PHF21A: variants seen among roughly 807,000 people sequenced by gnomAD.
PHF21A encodes BHC80a.
PHF21A carries 11 observed loss-of-function variants against 82.5 expected under a neutral mutation model. The ratio of observed to expected loss-of-function variants is 0.13; its 90% CI spans 0.08 to 0.22. The LOEUF (loss-of-function observed/expected upper bound fraction) is 0.22. Ranked by LOEUF, PHF21A falls within the 10% of genes least tolerant of loss-of-function variation. The probability of loss-of-function intolerance (pLI) is 1.00; values close to 1 mark genes in which losing one functional copy is unlikely to be tolerated. For synonymous variants in PHF21A, 297 were observed against 302.8 expected (o/e 0.98, Z 0.20); for missense variants, 579 against 837.8 (o/e 0.69, Z 3.81).
intron 6 of PHF21A, among the ~76,000 whole-genome samples, chr11:46,068,088 G>A (rs2096615350): frequency 6.6e-6 from 1 of 152,166 alleles, no homozygotes; most frequent in African/African-American, 2.4e-5. Flanking sequence ...GAGTAAAGGT[G>A]ACAGCAGAGA....
intron 6 of PHF21A, among the ~76,000 whole-genome samples, chr11:46,016,832 A>G (rs1002425825): frequency 1.3e-5 from 2 of 151,884 alleles, no homozygotes; most frequent in Non-Finnish European, 2.9e-5. Flanking sequence ...ATGCAGACCT[A>G]TAGCACTTAA....
intron 6 of PHF21A, among the ~76,000 whole-genome samples, chr11:46,045,290 G>T (rs1424398251): frequency 1.3e-5 from 2 of 152,122 alleles, no homozygotes; most frequent in Admixed American, 1.3e-4. Context: ...CCCTATGAAA[G>T]ATCATAAGCA....
intron 1 of PHF21A, among the ~76,000 whole-genome samples, chr11:46,093,926 T>C (rs758404327): frequency 6.6e-6 from 1 of 152,106 alleles, no homozygotes; most frequent in African/African-American, 2.4e-5. Context: ...TTTTAAAATA[T>C]AGTAAAAAGG....
At chr11:45,971,452 C>A (rs945547189) in intron 7 of PHF21A, 85 bp from the exon 8 acceptor site, 9 of 1,240,458 alleles carry the variant, frequency 7.3e-6, no homozygotes, top group Non-Finnish European at 1.0e-5. Context: ...TGCTGCTTAA[C>A]CTTGGAAGAA....
chr11:46,024,313 C>T (rs892788731), intron 6 of PHF21A, among the ~76,000 whole-genome samples: 1 of 152,160 alleles, frequency 6.6e-6, no homozygotes, highest in Admixed American at 6.5e-5. Flanking sequence ...TATCTCTTTC[C>T]TCTGTCCTTC....
intron 6 of PHF21A, among the ~76,000 whole-genome samples, chr11:46,073,614 C>G (rs1047593541): frequency 6.6e-6 from 1 of 152,078 alleles, no homozygotes; most frequent in Non-Finnish European, 1.5e-5. Context: ...TTTTTGCATA[C>G]GTTTACACGC....
chr11:46,077,793 A>G (rs1347083145), intron 5 of PHF21A, among the ~76,000 whole-genome samples: 1 of 152,260 alleles, frequency 6.6e-6, no homozygotes, highest in Non-Finnish European at 1.5e-5. Context: ...CAACTATAAC[A>G]GAAATGATAG....
intron 14 of PHF21A, chr11:45,946,209 A>C: frequency 3.5e-6 from 4 of 1,128,148 alleles, no homozygotes; most frequent in Non-Finnish European, 5.3e-6. Flanking sequence ...TATGACTCTC[A>C]AGAGAAGGGA....
intron 10 of PHF21A, among the ~76,000 whole-genome samples, chr11:45,958,688 G>A (rs1301963392): frequency 2.0e-5 from 3 of 151,790 alleles, no homozygotes; most frequent in Admixed American, 1.3e-4. Context: ...AGCCAAGGTC[G>A]GGGGATCACT....
rs753974876 is a variant in PHF21A, at chr11:45,933,983, C to T, written c.2031G>A (p.Gly677=). Reference sequence around the variant, plus strand: ...AGGGGCTCTGTTATTTAGTCTCTTCCCCCTGGTTACAGTTCGCTGTGCAGC... The same window carrying T: ...AGGGGCTCTGTTATTTAGTCTCTTCTCCCTGGTTACAGTTCGCTGTGCAGC... The part of the protein sequence containing the change: ...SQSCTANCNQ[G]EETK The change falls in exon 19 of 19, where the codon GGG becomes GGA. Residue 677 remains glycine, a synonymous_variant. Coordinates refer to ENST00000676320, the MANE Select transcript of PHF21A (RefSeq NM_001352027.3). 6.4e-7 allele frequency: 1 copy of T among 1,571,180 alleles called. No homozygotes were observed. The highest frequency in any genetic ancestry group is 1.9e-5 in the Admixed American group (1 of 52,212).
chr11:46,014,697 G>GACTGGTGTAAA (rs1591995909), intron 6 of PHF21A, among the ~76,000 whole-genome samples: 2 of 116,520 alleles, frequency 1.7e-5, no homozygotes, highest in Non-Finnish European at 3.3e-5. Flanking sequence ...TAGTTATTCT[G>GACTGGTGTAAA]GGGCCGGGCG....
intron 1 of PHF21A, chr11:46,118,070 T>C (rs889409098): frequency 1.3e-5 from 2 of 152,182 alleles, no homozygotes; most frequent in African/African-American, 4.8e-5. Context: ...GAGATCTTCA[T>C]GTAAGCAGAA....
At chr11:45,972,317 A>T (rs1486961082) in intron 7 of PHF21A, among the ~76,000 whole-genome samples, 1 of 152,176 alleles carries the variant, frequency 6.6e-6, no homozygotes, top group South Asian at 2.1e-4. Context: ...AAATATAAAC[A>T]AACTCATTAT....
chr11:45,980,655 A>G (rs538594889), intron 6 of PHF21A, among the ~76,000 whole-genome samples: 3 of 152,340 alleles, frequency 2.0e-5, no homozygotes, highest in African/African-American at 7.2e-5. Context: ...TGGAACTACA[A>G]GCACACACCA....
intron 6 of PHF21A, among the ~76,000 whole-genome samples, chr11:46,001,480 G>T (rs2095129601): frequency 6.6e-6 from 1 of 151,958 alleles, no homozygotes; most frequent in Admixed American, 6.6e-5. Context: ...AACAATAGAA[G>T]CTCCAGTTGG....
At chr11:45,950,109 T>C in intron 12 of PHF21A, 97 bp downstream of exon 12, 1 of 990,332 alleles carries the variant, frequency 1.0e-6, no homozygotes, top group Non-Finnish European at 1.5e-6. Context: ...TCTATTTGTG[T>C]TCCAATTTTC....
intron 6 of PHF21A, among the ~76,000 whole-genome samples, chr11:46,004,205 T>C (rs1400371281): frequency 1.3e-5 from 2 of 152,198 alleles, no homozygotes; most frequent in African/African-American, 2.4e-5. Context: ...CATTGAATTA[T>C]GCATACTGGT....
chr11:46,058,033 G>A (rs2096484542), intron 6 of PHF21A, among the ~76,000 whole-genome samples: 1 of 152,100 alleles, frequency 6.6e-6, no homozygotes. Context: ...TTCCAACCTG[G>A]AGAACTCTAG....
chr11:46,118,517 G>A (rs1371085333), intron 1 of PHF21A, among the ~76,000 whole-genome samples: 1 of 151,626 alleles, frequency 6.6e-6, no homozygotes, highest in Non-Finnish European at 1.5e-5. Flanking sequence ...CTTCACTTAA[G>A]GATAGTTGTA....
Sources: allele counts gnomAD v4.1 joint callset (sites outside exome capture counted in the v4.1 genomes callset), GRCh38; gene constraint gnomAD v4.1.1; transcripts MANE v1.5; gene names NCBI Gene and HGNC (gene_info 2026-07-23, HGNC 2026-07-21).